Variants in ABCA3 observed in about 807,000 individuals in gnomAD.
ABCA3 encodes phospholipid-transporting ATPase ABCA3.
In ABCA3, 88 loss-of-function variants were observed where a neutral mutation model predicts 172.8. That is an observed-to-expected ratio of 0.51 (90% CI 0.43 to 0.61). The LOEUF is 0.61. Among genes scored for constraint, ABCA3 ranks in the 20% least tolerant of loss-of-function variants. ABCA3 has a pLI of 0.00. For synonymous variants in ABCA3, 1,066 were observed against 983.8 expected (o/e 1.08, Z -1.56); for missense variants, 2,164 against 2,301.0 (o/e 0.94, Z 1.22).
At chr16:2,302,448 G>A (rs2093691020) in intron 12 of ABCA3, among the ~76,000 whole-genome samples, 2 of 151,408 alleles carry the variant, frequency 1.3e-5, no homozygotes. Flanking sequence ...GTACTGTTAG[G>A]TTAAGAAAAG....
chr16:2,298,564 C>T (rs1326266085), intron 14 of ABCA3, 24 bp from the exon 15 acceptor site: 1 of 1,611,490 alleles, frequency 6.2e-7, no homozygotes, highest in Non-Finnish European at 8.5e-7. Context: ...GGAGACCCCA[C>T]ATTCAGCATG....
intron 7 of ABCA3, among the ~76,000 whole-genome samples, chr16:2,320,354 TC>T (rs747474416): frequency 4.4e-4 from 67 of 150,960 alleles, no homozygotes; most frequent in South Asian, 1.7e-3. Context: ...CACCTTGGCC[TC>T]CCAAAGTGCT....
rs56188451 is a variant in ABCA3 at position 2,287,288 on chromosome 16, C to CTTTTT, written c.3005-326_3005-322dup. Among the ~76,000 whole-genome samples, 6 of 147,494 alleles carry CTTTTT rather than the reference C, an allele frequency of 4.1e-5. No homozygotes were observed. The highest frequency in any genetic ancestry group is 5.0e-5 in the African/African-American group (2 of 40,282). On this transcript the variant is annotated intron_variant, in intron 21 of 32. Coordinates refer to ENST00000301732, the MANE Select transcript of ABCA3 (RefSeq NM_001089.3). This position sits in a 1 kb window ranked among gnomAD's most constrained non-coding sequence, Gnocchi z 4.1. The stretch of plus-strand genomic sequence containing the variant: ...CCAACTATGACTACCAAGACTCTTT[C>CTTTTT]TTTTTTTTTTTGAGACAGTCTTGCT...
chr16:2,277,766 T>C lies in ABCA3; in HGVS notation c.4910-96A>G, dbSNP rs2093648733. ...GCACTGGAGTCCTCGTCCCAGGGAT[T>C]GGGGAGATGGGACTTGGCGGGGCGA... On this transcript the variant is annotated intron_variant, in intron 31 of 32. Coordinates refer to ENST00000301732, the MANE Select transcript of ABCA3 (RefSeq NM_001089.3). This position sits in a 1 kb window ranked among gnomAD's most constrained non-coding sequence, Gnocchi z 5.3. The C allele has an allele frequency of 1.3e-6, 2 of 1,591,470 alleles. No individual in the cohort carries two copies. The highest frequency in any genetic ancestry group is 1.7e-5 in the Admixed American group (1 of 57,562).
intron 17 of ABCA3, 140 bp from the exon 18 acceptor site, chr16:2,295,880 T>C: frequency 2.6e-6 from 3 of 1,159,328 alleles, no homozygotes; most frequent in Non-Finnish European, 3.8e-6. Flanking sequence ...TGAAGCAGAA[T>C]GAATGTGTCT....
rs1007538278 is a variant in ABCA3 at position 2,297,262 on chromosome 16, T to C, written c.2263+67A>G. The C allele has an allele frequency of 3.9e-6, 6 of 1,557,092 alleles. No individual in the cohort carries two copies. In the African/African-American group the frequency reaches 5.4e-5, roughly 14 times the overall value. On this transcript the variant is annotated intron_variant, in intron 17 of 32. Coordinates refer to ENST00000301732, the MANE Select transcript of ABCA3 (RefSeq NM_001089.3). This position sits in a 1 kb window ranked among gnomAD's most constrained non-coding sequence, Gnocchi z 5.6. ...CTGATCTGAGGGCCCTTCATGAAGG[T>C]AGCAGCCATTCCCTCAGCACGGCAG...
In ABCA3 at chr16:2,281,511, T is replaced by G. The variant is rs1273099714; in HGVS notation, c.4036-2A>C. ...AGGCATCCGGGTGTATAATTCTGTC[T>G]GATTGACCAGGACAAAGACCGCATG... On this transcript the variant is annotated splice_acceptor_variant, in intron 26 of 32. Transcript: ENST00000301732. LOFTEE classifies it high-confidence loss of function. The surrounding 1 kb of genome is among the most constrained non-coding windows in gnomAD (Gnocchi z 4.7). The G allele has an allele frequency of 6.2e-7, 1 of 1,609,614 alleles. No individual in the cohort carries two copies. Among genetic ancestry groups the G allele is most frequent in the Non-Finnish European group, 8.5e-7 (1 of 1,179,610 alleles).
At chr16:2,296,147 C>T (rs971555823) in intron 17 of ABCA3, among the ~76,000 whole-genome samples, 7 of 152,058 alleles carry the variant, frequency 4.6e-5, no homozygotes, top group African/African-American at 7.2e-5. Flanking sequence ...CAAGAGCTAC[C>T]GGCTGCAAGA....
intron 7 of ABCA3, among the ~76,000 whole-genome samples, chr16:2,322,671 T>G (rs1240313036): frequency 6.6e-6 from 1 of 151,978 alleles, no homozygotes; most frequent in Non-Finnish European, 1.5e-5. Flanking sequence ...GATTAAAGAC[T>G]TCAATGTTAG....
At chr16:2,294,140 C>T (rs2093676299) in intron 18 of ABCA3, among the ~76,000 whole-genome samples, 1 of 151,168 alleles carries the variant, frequency 6.6e-6, no homozygotes, top group African/African-American at 2.4e-5. Flanking sequence ...GCCTCAGCCT[C>T]CTGAGTAGCT....
At chr16:2,288,554 G>A (rs1008977964) in intron 20 of ABCA3, among the ~76,000 whole-genome samples, 4 of 152,268 alleles carry the variant, frequency 2.6e-5, no homozygotes, top group South Asian at 2.1e-4. Context: ...GGCCCTGCAC[G>A]TTGGCACTAT....
intron 10 of ABCA3, among the ~76,000 whole-genome samples, chr16:2,316,142 A>G (rs1485803946): frequency 8.4e-5 from 9 of 106,526 alleles, no homozygotes; most frequent in East Asian, 5.7e-4. Flanking sequence ...CATGGTGAGA[A>G]AAAAAAAAAA....
At chr16:2,319,464 G>A (rs536094122) in intron 8 of ABCA3, 117 bp downstream of exon 8, 90 of 1,374,678 alleles carry the variant, frequency 6.5e-5, no homozygotes, top group South Asian at 4.8e-4. Flanking sequence ...CAGCCTGGGC[G>A]ACAGAGCGAG....
chr16:2,308,606 A>C lies in ABCA3; in HGVS notation c.1129T>G (p.Phe377Val), dbSNP rs756662266. Residue 377 changes from phenylalanine (F) to valine (V), a missense_variant, in exon 11 of 33, where the codon TTC (phenylalanine) becomes GTC (valine). By Grantham distance (50) the Phe-to-Val change is conservative. Coordinates refer to ENST00000301732, the MANE Select transcript of ABCA3 (RefSeq NM_001089.3). ...FFSKANMAAAFGGFLYFFTYI... is the reference protein window; with the variant it reads ...FFSKANMAAAVGGFLYFFTYI... ...GTGAAGAAGTAGAGGAAGCCTCCGA[A>C]GGCTGCTGCCATGTTGGCTGCAGGT... 6.2e-7 allele frequency: 1 copy of C among 1,614,054 alleles called. No homozygotes were observed. The highest frequency in any genetic ancestry group is 1.1e-5 in the South Asian group (1 of 91,086).
chr16:2,337,491 A>C (rs1044112959), intron 1 of ABCA3, among the ~76,000 whole-genome samples: 2 of 150,368 alleles, frequency 1.3e-5, no homozygotes, highest in Non-Finnish European at 2.9e-5. Context: ...CTCCCACCTC[A>C]GTCTCCCAAA....
intron 10 of ABCA3, among the ~76,000 whole-genome samples, chr16:2,310,339 T>C (rs8061933): frequency 6.6e-6 from 1 of 150,924 alleles, no homozygotes; most frequent in African/African-American, 2.4e-5. Flanking sequence ...ACCCGGGAGG[T>C]GGAGGTTGCA....
rs995499456 is a variant in ABCA3, at chr16:2,298,492, A to G, written c.1790T>C (p.Ile597Thr). The G allele has an allele frequency of 1.2e-6, 2 of 1,613,936 alleles. No homozygotes were observed. Among genetic ancestry groups the G allele is most frequent in the Non-Finnish European group, 1.7e-6 (2 of 1,180,032 alleles). The change falls in exon 15 of 33, where the codon ATT becomes ACT. Residue 597 changes from isoleucine (I) to threonine (T), a missense_variant. By Grantham distance (89) the Ile-to-Thr change is moderately conservative. Around this residue, in one of 3 missense-constraint regions of ABCA3, gnomAD observed 1,343 missense variants for 1,369.6 expected, o/e 0.98. Transcript: ENST00000301732. Reference sequence around the variant, plus strand: ...CCGGATCTGAACCATGTCCTGGGAAATTTCATACCCGCTGATGTATGCCCG... The same window carrying G: ...CCGGATCTGAACCATGTCCTGGGAAGTTTCATACCCGCTGATGTATGCCCG... The part of the protein sequence containing the change: ...SGRAYISGYE[I>T]SQDMVQIRKS...
chr16:2,285,076 AT>A lies in ABCA3; in HGVS notation c.3484-79del. ...CGGGTAGGGAAGGGGTGAGAGGAGC[AT>A]TTGGAGGTCCTCAGACCCCTCCCGG... On this transcript the variant is annotated intron_variant, in intron 23 of 32. Transcript: ENST00000301732. The surrounding 1 kb of genome is among the most constrained non-coding windows in gnomAD (Gnocchi z 4.7). 6.8e-7 allele frequency: 1 copy of A among 1,473,498 alleles called. No individual in the cohort carries two copies. The highest frequency in any genetic ancestry group is 9.3e-7 in the Non-Finnish European group (1 of 1,080,082). The allele number at this position is 1,473,498 out of a possible 1,614,324, so 91.3% of individuals were successfully genotyped here.
At chr16:2,312,273 A>G (rs1451941192) in intron 10 of ABCA3, among the ~76,000 whole-genome samples, 1 of 152,124 alleles carries the variant, frequency 6.6e-6, no homozygotes, top group Non-Finnish European at 1.5e-5. Flanking sequence ...CCCGAGGGGG[A>G]ATAACTATAG....
Sources: gnomAD v4.1 joint callset for allele counts (sites outside exome capture counted in the v4.1 genomes callset) on GRCh38, gnomAD v4.1.1 for gene constraint, gnomAD v4.1.1 regional missense constraint, Gnocchi (gnomAD v3.1) non-coding constraint, MANE v1.5 for transcripts, NCBI Gene and HGNC (gene_info 2026-07-23, HGNC 2026-07-21) for gene names.